COL23A1: variants seen among roughly 807,000 people sequenced by gnomAD.
COL23A1 encodes collagen type XXIII alpha 1 chain.
Under a neutral mutation model 99.3 loss-of-function variants are expected in COL23A1, and 97 were observed. The ratio of observed to expected loss-of-function variants is 0.98; its 90% CI spans 0.83 to 1.16. The LOEUF (loss-of-function observed/expected upper bound fraction) is 1.16, where lower values mean the gene tolerates loss of function less well. Among genes scored for constraint, COL23A1 ranks in the 50% most tolerant of loss-of-function variants. The probability of loss-of-function intolerance (pLI) is 0.00; values close to 1 mark genes in which losing one functional copy is unlikely to be tolerated. For missense variants in COL23A1, 762 were observed against 757.4 expected (o/e 1.01, Z -0.07); for synonymous variants, 320 against 308.2 (o/e 1.04, Z -0.40).
chr5:178,278,506 C>T (rs892537965), intron 5 of COL23A1, among the ~76,000 whole-genome samples: 3 of 152,252 alleles, frequency 2.0e-5, no homozygotes, highest in Non-Finnish European at 4.4e-5. Context: ...TGCCCCGATT[C>T]ACCCCAGGCC....
intron 1 of COL23A1, among the ~76,000 whole-genome samples, chr5:178,578,280 C>T (rs1562107762): frequency 6.6e-6 from 1 of 152,212 alleles, no homozygotes. Context: ...CACACACATG[C>T]ATGCATTCTC....
rs10061163 is a variant in COL23A1, at chr5:178,238,730, C to A, written c.1621-30G>T. The A allele has an allele frequency of 0.079, 126,617 of 1,611,738 alleles. 5,969 individuals carry two copies. The highest frequency in any genetic ancestry group is 0.2 in the African/African-American group (15,168 of 74,880). ...AAAAGGAGGAAGAGACTGAAGGTGACGAGGAGCCCGAGAAGCTCCGCCCCC... is the reference window on the plus strand; with the variant it reads ...AAAAGGAGGAAGAGACTGAAGGTGAAGAGGAGCCCGAGAAGCTCCGCCCCC... On this transcript the variant is annotated intron_variant, in intron 28 of 28. Transcript: ENST00000390654.
rs1763153721 is a variant in COL23A1 at position 178,572,364 on chromosome 5, A to T, written c.295-11616T>A. Among the ~76,000 whole-genome samples, 2 of 152,164 alleles carry T rather than the reference A, an allele frequency of 1.3e-5. 1 individual carries two copies. The highest frequency in any genetic ancestry group is 4.2e-4 in the South Asian group (2 of 4,818). ...CAAAATAGAAAAAAAAATTTTGAAG[A>T]ATAGTCAAAAAGTGTTTTCAAATTT... is the stretch of plus-strand genomic sequence containing the variant. On this transcript the variant is annotated intron_variant, in intron 1 of 28. Coordinates refer to ENST00000390654, the MANE Select transcript of COL23A1 (RefSeq NM_173465.4).
chr5:178,342,085 TCTC>T (rs978461782), intron 2 of COL23A1, among the ~76,000 whole-genome samples: 11 of 152,152 alleles, frequency 7.2e-5, no homozygotes, highest in Non-Finnish European at 4.4e-5. Context: ...TGTGTTATCA[TCTC>T]CTCAGTGCCC....
intron 2 of COL23A1, among the ~76,000 whole-genome samples, chr5:178,347,005 C>T (rs902909771): frequency 6.6e-6 from 1 of 152,144 alleles, no homozygotes; most frequent in African/African-American, 2.4e-5. Context: ...CCTCCAGGGA[C>T]CTGAAAAGGG....
At chr5:178,442,305 G>A (rs1444179952) in intron 2 of COL23A1, among the ~76,000 whole-genome samples, 2 of 152,162 alleles carry the variant, frequency 1.3e-5, no homozygotes, top group African/African-American at 2.4e-5. Context: ...ATTCCATGAG[G>A]AAAATTGCCT....
Position 178,428,544 on chromosome 5 carries a change from C to T in COL23A1, c.362-121625G>A, listed in dbSNP as rs1766076099. Reference sequence around the variant, plus strand: ...TGTCCAGGAGCCGCGGCAGGGTGCCCAGCGGGGCCTCTTGGATGCTCCTCC... The same window carrying T: ...TGTCCAGGAGCCGCGGCAGGGTGCCTAGCGGGGCCTCTTGGATGCTCCTCC... On this transcript the variant is annotated intron_variant, in intron 2 of 28. Coordinates refer to ENST00000390654, the MANE Select transcript of COL23A1 (RefSeq NM_173465.4). The surrounding 1 kb of genome is among the most constrained non-coding windows in gnomAD (Gnocchi z 5.0). Among the ~76,000 whole-genome samples, 1 of 152,256 alleles carries T rather than the reference C, an allele frequency of 6.6e-6. No individual in the cohort carries two copies. Among genetic ancestry groups the T allele is most frequent in the Non-Finnish European group, 1.5e-5 (1 of 68,058 alleles).
At chr5:178,344,957 G>A in intron 2 of COL23A1, 1 of 621,258 alleles carries the variant, frequency 1.6e-6, no homozygotes, top group Non-Finnish European at 3.0e-6. Flanking sequence ...GCCAGTGGTT[G>A]CTGAGACAGA....
chr5:178,433,442 T>G (rs1204967840), intron 2 of COL23A1, among the ~76,000 whole-genome samples: 1 of 152,160 alleles, frequency 6.6e-6, no homozygotes, highest in Non-Finnish European at 1.5e-5. Context: ...TCCTAACACA[T>G]GGAAGCTCTC....
intron 2 of COL23A1, among the ~76,000 whole-genome samples, chr5:178,450,397 G>A (rs1020651159): frequency 2.6e-5 from 4 of 152,266 alleles, no homozygotes; most frequent in South Asian, 2.1e-4. Context: ...GTGCCACCCC[G>A]CCCTTTCCTT....
chr5:178,313,339 G>C lies in COL23A1; in HGVS notation c.362-6420C>G, dbSNP rs933149814. On this transcript the variant is annotated intron_variant, in intron 2 of 28. Coordinates refer to ENST00000390654, the MANE Select transcript of COL23A1 (RefSeq NM_173465.4). The surrounding 1 kb of genome is among the most constrained non-coding windows in gnomAD (Gnocchi z 4.2). ...CAAGTGTACACTTAAGGATGGTTAA[G>C]ACGGGAAATGTTATGGTATGTGTAT... Among the ~76,000 whole-genome samples the C allele has an allele frequency of 5.3e-5, 8 of 152,196 alleles. No homozygotes were observed. Among genetic ancestry groups the C allele is most frequent in the Non-Finnish European group, 1.0e-4 (7 of 68,030 alleles).
intron 2 of COL23A1, among the ~76,000 whole-genome samples, chr5:178,426,722 G>A (rs1561962260): frequency 6.6e-6 from 1 of 152,208 alleles, no homozygotes; most frequent in Non-Finnish European, 1.5e-5. Flanking sequence ...AGGCACATCT[G>A]ATAAAGGACT....
chr5:178,446,597 T>C (rs897664360), intron 2 of COL23A1, among the ~76,000 whole-genome samples: 3 of 152,304 alleles, frequency 2.0e-5, no homozygotes, highest in Non-Finnish European at 4.4e-5. Flanking sequence ...AGAAAAATGA[T>C]AGCCACCGCT....
At chr5:178,396,894 G>A (rs375925872) in intron 2 of COL23A1, among the ~76,000 whole-genome samples, 159 of 152,334 alleles carry the variant, frequency 1.0e-3, no homozygotes, top group African/African-American at 2.8e-3. Context: ...ACTGTTTGGC[G>A]TGGACTTCAA....
intron 2 of COL23A1, among the ~76,000 whole-genome samples, chr5:178,441,578 C>T (rs1035297648): frequency 2.0e-5 from 3 of 151,970 alleles, no homozygotes; most frequent in Admixed American, 6.5e-5. Flanking sequence ...TGGGGGGATG[C>T]GGGGCTAGAG....
chr5:178,572,023 G>A (rs1179895342), intron 1 of COL23A1, among the ~76,000 whole-genome samples: 1 of 140,632 alleles, frequency 7.1e-6, no homozygotes, highest in Non-Finnish European at 1.5e-5. Flanking sequence ...AGCCGAGATT[G>A]CGCCACTGCA....
intron 25 of COL23A1, 40 bp downstream of exon 25, chr5:178,245,902 A>G (rs1764666792): frequency 6.2e-7 from 1 of 1,612,178 alleles, no homozygotes; most frequent in Non-Finnish European, 8.5e-7. Context: ...GATACACACA[A>G]GAGGCACCCA....
At chr5:178,370,766 AT>A (rs1452520598) in intron 2 of COL23A1, among the ~76,000 whole-genome samples, 4 of 152,208 alleles carry the variant, frequency 2.6e-5, no homozygotes, top group Non-Finnish European at 5.9e-5. Flanking sequence ...AAGGAAAAAA[AT>A]ATTAAAATAA....
intron 2 of COL23A1, among the ~76,000 whole-genome samples, chr5:178,348,626 C>T (rs1761127263): frequency 6.6e-6 from 1 of 152,208 alleles, no homozygotes; most frequent in African/African-American, 2.4e-5. Context: ...GGCTGAGCTC[C>T]CTGCCTGGCT....
Sources: gnomAD v4.1 joint callset for allele counts (sites outside exome capture counted in the v4.1 genomes callset) on GRCh38, gnomAD v4.1.1 for gene constraint, Gnocchi (gnomAD v3.1) non-coding constraint, MANE v1.5 for transcripts, NCBI Gene and HGNC (gene_info 2026-07-23, HGNC 2026-07-21) for gene names.